ABTB3: variants seen among roughly 807,000 people sequenced by gnomAD.
ABTB3 encodes ankyrin repeat and BTB domain containing 3, also known as ankyrin repeat- and BTB/POZ domain-containing protein 3.
chr12:107,337,789 C>T, the ABTB3 span, among the ~76,000 whole-genome samples: 1 of 152,108 alleles, frequency 6.6e-6, no homozygotes, highest in Non-Finnish European at 1.5e-5. Context: ...TTAAGGCAGC[C>T]GGTCAATTCC....
the ABTB3 span, among the ~76,000 whole-genome samples, chr12:107,401,729 G>A: frequency 6.6e-6 from 1 of 152,266 alleles, no homozygotes; most frequent in South Asian, 2.1e-4. Flanking sequence ...ATCTCCATGT[G>A]GGGGAGAAAT....
At chr12:107,326,200 T>C in the ABTB3 span, among the ~76,000 whole-genome samples, 1 of 152,214 alleles carries the variant, frequency 6.6e-6, no homozygotes, top group Non-Finnish European at 1.5e-5. Context: ...CCCCCGTGCC[T>C]AGCCTCATCA....
the ABTB3 span, among the ~76,000 whole-genome samples, chr12:107,387,321 C>G: frequency 6.6e-6 from 1 of 152,186 alleles, no homozygotes; most frequent in Admixed American, 6.5e-5. Flanking sequence ...TCTCCCCCCA[C>G]CCTTGAGCCT....
At chr12:107,483,520 A>AGG in the ABTB3 span, among the ~76,000 whole-genome samples, 1 of 152,106 alleles carries the variant, frequency 6.6e-6, no homozygotes, top group African/African-American at 2.4e-5. Context: ...CCAGTCCCCC[A>AGG]GCCTTTTTCC....
the ABTB3 span, among the ~76,000 whole-genome samples, chr12:107,454,656 T>G: frequency 6.6e-6 from 1 of 151,950 alleles, no homozygotes; most frequent in Non-Finnish European, 1.5e-5. Flanking sequence ...AGATTGGAGG[T>G]GGGAAGGCAG....
chr12:107,496,907 T>G, the ABTB3 span, among the ~76,000 whole-genome samples: 3 of 152,160 alleles, frequency 2.0e-5, no homozygotes, highest in African/African-American at 7.2e-5. Flanking sequence ...TGATTATTGT[T>G]TCTATTTCAA....
chr12:107,642,515 T>C, the ABTB3 span, among the ~76,000 whole-genome samples: 1 of 152,232 alleles, frequency 6.6e-6, no homozygotes, highest in South Asian at 2.1e-4. Flanking sequence ...TGAGCCAACA[T>C]GCTGCAGCAA....
chr12:107,532,729 C>A, the ABTB3 span, among the ~76,000 whole-genome samples: 1 of 152,136 alleles, frequency 6.6e-6, no homozygotes, highest in Non-Finnish European at 1.5e-5. Flanking sequence ...TATAGTCAAA[C>A]TGTCAAATGT....
At chr12:107,539,124 A>T in the ABTB3 span, among the ~76,000 whole-genome samples, 1 of 152,212 alleles carries the variant, frequency 6.6e-6, no homozygotes, top group Non-Finnish European at 1.5e-5. Flanking sequence ...TGTGGCTCTT[A>T]TATAAATCAA....
the ABTB3 span, among the ~76,000 whole-genome samples, chr12:107,419,837 GC>G: frequency 6.6e-6 from 1 of 152,222 alleles, no homozygotes; most frequent in Non-Finnish European, 1.5e-5. Flanking sequence ...TTACACACAT[GC>G]CACAGGAACC....
chr12:107,449,861 T>G, the ABTB3 span, among the ~76,000 whole-genome samples: 1 of 152,064 alleles, frequency 6.6e-6, no homozygotes, highest in Non-Finnish European at 1.5e-5. Flanking sequence ...TCACTCGTCT[T>G]GAACTCCTGG....
the ABTB3 span, among the ~76,000 whole-genome samples, chr12:107,560,964 C>A: frequency 6.6e-6 from 1 of 152,196 alleles, no homozygotes; most frequent in Non-Finnish European, 1.5e-5. Context: ...TGATGGCTTT[C>A]TCAGTTCTTT....
chr12:107,454,393 T>C, the ABTB3 span, among the ~76,000 whole-genome samples: 1 of 152,206 alleles, frequency 6.6e-6, no homozygotes, highest in African/African-American at 2.4e-5. Context: ...TGCATGGCCA[T>C]GAAGCTGGTT....
chr12:107,512,727 C>G, the ABTB3 span, among the ~76,000 whole-genome samples: 1 of 152,198 alleles, frequency 6.6e-6, no homozygotes, highest in Admixed American at 6.5e-5. Context: ...TCTACGTGAC[C>G]TTAGGCAAAT....
chr12:107,521,265 G>T, the ABTB3 span, among the ~76,000 whole-genome samples: 1 of 50,538 alleles, frequency 2.0e-5, no homozygotes, highest in African/African-American at 1.1e-4. Context: ...CATATAAGTT[G>T]TGTGTGTGTG....
the ABTB3 span, among the ~76,000 whole-genome samples, chr12:107,570,549 T>C: frequency 6.6e-6 from 1 of 152,130 alleles, no homozygotes; most frequent in Non-Finnish European, 1.5e-5. Context: ...GGGTTATGGC[T>C]AACCTATAGT....
At chr12:107,480,666 G>A in the ABTB3 span, among the ~76,000 whole-genome samples, 1 of 152,160 alleles carries the variant, frequency 6.6e-6, no homozygotes, top group Admixed American at 6.5e-5. Context: ...CTAGTTACAA[G>A]GGGTCTGAGG....
the ABTB3 span, among the ~76,000 whole-genome samples, chr12:107,563,570 G>A: frequency 6.6e-6 from 1 of 152,026 alleles, no homozygotes; most frequent in Admixed American, 6.6e-5. Context: ...TGGCGGTGAA[G>A]ACATAAGTTA....
At chr12:107,336,327 T>C in the ABTB3 span, among the ~76,000 whole-genome samples, 15 of 152,344 alleles carry the variant, frequency 9.8e-5, 1 homozygote, top group African/African-American at 3.6e-4. Flanking sequence ...TTAAGTTACT[T>C]ACCCACTCAA....
Sources: gnomAD v4.1 joint callset for allele counts (sites outside exome capture counted in the v4.1 genomes callset) on GRCh38, gnomAD v4.1.1 for gene constraint, MANE v1.5 for transcripts, NCBI Gene and HGNC (gene_info 2026-07-23, HGNC 2026-07-21) for gene names.